The following NFAM1 variants were observed in gnomAD, a reference collection of about 807,000 sequenced individuals.
The protein encoded by NFAM1 is NFAT activating protein with ITAM motif 1.
In NFAM1, 17 loss-of-function variants were observed where a neutral mutation model predicts 29.0. That is an observed-to-expected ratio of 0.59 (90% CI 0.40 to 0.88). The LOEUF is 0.88. Among genes scored for constraint, NFAM1 ranks in the 40% least tolerant of loss-of-function variants. The pLI, the probability that NFAM1 is intolerant of heterozygous loss-of-function variation, is 0.00. For missense variants in NFAM1, 324 were observed against 344.6 expected (o/e 0.94, Z 0.47); for synonymous variants, 175 against 147.2 (o/e 1.19, Z -1.36).
At chr22:42,404,484 C>T (rs998648185) in intron 3 of NFAM1, among the ~76,000 whole-genome samples, 12 of 152,250 alleles carry the variant, frequency 7.9e-5, no homozygotes, top group African/African-American at 2.4e-4. Flanking sequence ...GCAAACGCAG[C>T]AGCTGCTCTG....
At chr22:42,423,070 G>A (rs1444113704) in intron 1 of NFAM1, among the ~76,000 whole-genome samples, 3 of 129,370 alleles carry the variant, frequency 2.3e-5, no homozygotes, top group Non-Finnish European at 4.6e-5. Context: ...CCAAGATCTC[G>A]CCACTGCACT....
At chr22:42,418,983 G>A (rs138428657) in intron 1 of NFAM1, among the ~76,000 whole-genome samples, 15 of 152,160 alleles carry the variant, frequency 9.9e-5, no homozygotes, top group African/African-American at 3.4e-4. Flanking sequence ...AACCGCCCAC[G>A]GGTGCCTGAG....
At chr22:42,387,205 C>T in intron 4 of NFAM1, 127 bp from the exon 5 acceptor site, 2 of 527,896 alleles carry the variant, frequency 3.8e-6, no homozygotes, top group Middle Eastern at 4.7e-4. Context: ...AGCCCAGCCA[C>T]ACCTTTGCAC....
intron 5 of NFAM1, among the ~76,000 whole-genome samples, chr22:42,386,406 C>G (rs1929145642): frequency 7.0e-6 from 1 of 143,090 alleles, no homozygotes; most frequent in African/African-American, 2.7e-5. Context: ...AACACACACA[C>G]ACACACACAC....
chr22:42,430,517 G>A (rs1330730108), intron 1 of NFAM1, among the ~76,000 whole-genome samples: 1 of 130,736 alleles, frequency 7.6e-6, no homozygotes, highest in African/African-American at 3.0e-5. Flanking sequence ...CCAAGATGGC[G>A]CCATTGCACT....
chr22:42,396,709 C>T (rs1929536911), intron 4 of NFAM1, among the ~76,000 whole-genome samples: 1 of 152,132 alleles, frequency 6.6e-6, no homozygotes, highest in Non-Finnish European at 1.5e-5. Flanking sequence ...AGCTGAAAGC[C>T]CTTTGAGAAC....
At chr22:42,429,270 G>C (rs1299894717) in intron 1 of NFAM1, among the ~76,000 whole-genome samples, 1 of 152,208 alleles carries the variant, frequency 6.6e-6, no homozygotes, top group Non-Finnish European at 1.5e-5. Flanking sequence ...GACAATTGAG[G>C]CATAGCGATA....
At position 42,384,059 on chromosome 22, in the gene NFAM1, C is replaced by T. The variant is rs1423549613; in HGVS notation, c.*1102G>A. The T allele has an allele frequency of 1.3e-5, 2 of 152,712 alleles. No homozygotes were observed. The highest frequency in any genetic ancestry group is 4.8e-5 in the African/African-American group (2 of 41,436). 9.5% of individuals were successfully genotyped at this position (152,712 alleles called of 1,614,324 possible). ...GTCCCCATGGGGCTTGAGCTTCTGC[C>T]TCAGAGGGACCTTCCGGCTGCCATT... On this transcript the variant is annotated 3_prime_UTR_variant, in exon 6 of 6. Coordinates refer to ENST00000329021, the MANE Select transcript of NFAM1 (RefSeq NM_145912.8).
intron 4 of NFAM1, among the ~76,000 whole-genome samples, chr22:42,390,388 G>A (rs79684139): frequency 0.056 from 8,513 of 152,208 alleles, 667 homozygotes; most frequent in African/African-American, 0.18. Context: ...AGGTAGCCAT[G>A]AAGGCACTGG....
chr22:42,412,328 T>C (rs1027689164), intron 1 of NFAM1, among the ~76,000 whole-genome samples: 1 of 151,590 alleles, frequency 6.6e-6, no homozygotes, highest in African/African-American at 2.4e-5. Context: ...TGTGCCGGAG[T>C]TGTGCCAAGC....
At chr22:42,433,318 C>T (rs1040459378), upstream of NFAM1, among the ~76,000 whole-genome samples, 2 of 152,180 alleles carry the variant, frequency 1.3e-5, no homozygotes, top group South Asian at 2.1e-4. Context: ...TGAGTTTCAG[C>T]GCATGCTGAG....
At chr22:42,398,633 C>T (rs973173382) in intron 3 of NFAM1, among the ~76,000 whole-genome samples, 1 of 151,988 alleles carries the variant, frequency 6.6e-6, no homozygotes, top group Non-Finnish European at 1.5e-5. Context: ...AGGCTGGTCT[C>T]GAACTCCTGA....
chr22:42,406,550 G>A (rs1263522905), intron 3 of NFAM1, among the ~76,000 whole-genome samples: 1 of 152,108 alleles, frequency 6.6e-6, no homozygotes, highest in Non-Finnish European at 1.5e-5. Flanking sequence ...TTCTGCCTCA[G>A]AGCACCTGCA....
At chr22:42,405,728 T>A (rs1469734675) in intron 3 of NFAM1, among the ~76,000 whole-genome samples, 11 of 151,882 alleles carry the variant, frequency 7.2e-5, no homozygotes, top group Admixed American at 7.2e-4. Context: ...TGGGCTGGAG[T>A]CAAGGCGGAG....
intron 5 of NFAM1, among the ~76,000 whole-genome samples, chr22:42,386,713 T>C (rs1291657101): frequency 1.3e-5 from 2 of 152,160 alleles, no homozygotes; most frequent in African/African-American, 4.8e-5. Context: ...TGAACATCTA[T>C]GAGGTGGGTA....
chr22:42,405,997 A>G (rs1601746996), intron 3 of NFAM1, among the ~76,000 whole-genome samples: 1 of 152,226 alleles, frequency 6.6e-6, no homozygotes, highest in East Asian at 1.9e-4. Flanking sequence ...TTCTTGGAAA[A>G]GCGATGACAT....
intron 1 of NFAM1, among the ~76,000 whole-genome samples, chr22:42,427,936 C>A (rs1930675327): frequency 1.3e-5 from 2 of 152,328 alleles, no homozygotes; most frequent in Non-Finnish European, 2.9e-5. Flanking sequence ...AGAAGGGGCT[C>A]TGAGGCACTG....
At chr22:42,420,626 T>A (rs955902431) in intron 1 of NFAM1, among the ~76,000 whole-genome samples, 6 of 150,932 alleles carry the variant, frequency 4.0e-5, no homozygotes, top group Non-Finnish European at 8.9e-5. Context: ...ATTAGCCGGG[T>A]ATGGTGGCAG....
intron 1 of NFAM1, among the ~76,000 whole-genome samples, chr22:42,415,299 T>C (rs1364236970): frequency 4.3e-4 from 61 of 140,842 alleles, no homozygotes; most frequent in African/African-American, 1.4e-3. Context: ...TCTTTCTTTT[T>C]TTTTTTTTTT....
Sources: gnomAD v4.1 joint callset for allele counts (sites outside exome capture counted in the v4.1 genomes callset) on GRCh38, gnomAD v4.1.1 for gene constraint, MANE v1.5 for transcripts, NCBI Gene and HGNC (gene_info 2026-07-23, HGNC 2026-07-21) for gene names.